TSPAN31: variants seen among roughly 807,000 people sequenced by gnomAD.
The protein encoded by TSPAN31 is tetraspanin-31.
A neutral mutation model predicts 24.8 loss-of-function variants in TSPAN31; 16 were observed. The observed-to-expected ratio is 0.64, with a 90% CI of 0.44 to 0.98. TSPAN31 has a LOEUF of 0.98. Among genes scored for constraint, TSPAN31 ranks in the 50% least tolerant of loss-of-function variants. The pLI is 0.00. For missense variants in TSPAN31, 209 were observed against 251.6 expected (o/e 0.83, Z 1.15); for synonymous variants, 87 against 91.4 (o/e 0.95, Z 0.27).
In TSPAN31 at chr12:57,747,374, T is replaced by C; in HGVS notation, c.*84T>C. 2 of 1,350,068 alleles carry C rather than the reference T, an allele frequency of 1.5e-6. No homozygotes were observed. The highest frequency in any genetic ancestry group is 2.1e-6 in the Non-Finnish European group (2 of 974,106). The allele number at this position is 1,350,068 out of a possible 1,614,324, so 83.6% of individuals were successfully genotyped here. A position where few individuals can be genotyped will look rare whatever the true frequency, so the allele number is the denominator to read the frequency against. On this transcript the variant is annotated 3_prime_UTR_variant, in exon 6 of 6. Transcript: ENST00000257910. ...GGGAATATCTAGGGTCTGTAACCGT[T>C]TTGGTTTGAGAAAAAGGAAAGGCCC...
At position 57,746,631 on chromosome 12, in the gene TSPAN31, A is replaced by C; in HGVS notation, c.355A>C (p.Thr119Pro). 6.2e-7 allele frequency: 1 copy of C among 1,613,882 alleles called. No individual in the cohort carries two copies. The highest frequency in any genetic ancestry group is 8.5e-7 in the Non-Finnish European group (1 of 1,179,980). The part of the protein sequence containing the change: ...NASWWVMSNK[T>P]RDELERSFDC... ...TTCTTGGTGGGTCATGAGCAACAAG[A>C]CTCGGGATGAACTGGAAAGAAGTTT... Residue 119 changes from threonine to proline, a missense_variant, in exon 4 of 6, where the codon ACT becomes CCT. Physicochemically the swap from Thr to Pro is conservative, Grantham distance 38. Coordinates refer to ENST00000257910, the MANE Select transcript of TSPAN31 (RefSeq NM_005981.5).
Position 57,749,454 on chromosome 12 carries a change from T to A in TSPAN31, c.*2164T>A, listed in dbSNP as rs2140383780. ...TTTTTCTCCCATGTTGGTCACTTAC[T>A]CAAAGATTTTGCCCAACTGGTCGGC... On this transcript the variant is annotated 3_prime_UTR_variant, in exon 6 of 6. Coordinates refer to ENST00000257910, the MANE Select transcript of TSPAN31 (RefSeq NM_005981.5). The A allele has an allele frequency of 6.2e-7, 1 of 1,614,188 alleles. No homozygotes were observed. The highest frequency in any genetic ancestry group is 8.5e-7 in the Non-Finnish European group (1 of 1,180,010).
In TSPAN31 at chr12:57,749,594, A is replaced by G. The variant is rs1371067363; in HGVS notation, c.*2304A>G. 1.6e-6 allele frequency: 2 copies of G among 1,248,822 alleles called. No homozygotes were observed. Among genetic ancestry groups the G allele is most frequent in the South Asian group, 2.5e-5 (2 of 80,760 alleles). The allele number at this position is 1,248,822 out of a possible 1,614,324, so 77.4% of individuals were successfully genotyped here. On this transcript the variant is annotated 3_prime_UTR_variant, in exon 6 of 6. Coordinates refer to ENST00000257910, the MANE Select transcript of TSPAN31 (RefSeq NM_005981.5). Reference sequence around the variant, plus strand: ...CTTAGTGGCTCAAAATAGGAAGTATAGGGAATAAAGGCCAACAATTCCAGC... The same window carrying G: ...CTTAGTGGCTCAAAATAGGAAGTATGGGGAATAAAGGCCAACAATTCCAGC...
chr12:57,745,190 G>A lies in TSPAN31; in HGVS notation c.36G>A (p.Ala12=). 1 of 1,608,190 alleles carries A rather than the reference G, an allele frequency of 6.2e-7. No homozygotes were observed. The highest frequency in any genetic ancestry group is 2.2e-5 in the East Asian group (1 of 44,728). ...GCGGCTTTGCCTGCTCCAAGAATGC[G>A]CTTTGCGCTCTCAACGTGGTCTACA... ...VCGGFACSKN[A]LCALNVVYML... Residue 12 remains alanine (A), a synonymous_variant, in exon 1 of 6, where the codon GCG becomes GCA. Coordinates refer to ENST00000257910, the MANE Select transcript of TSPAN31 (RefSeq NM_005981.5).
At position 57,747,282 on chromosome 12, in the gene TSPAN31, T is replaced by C; in HGVS notation, c.625T>C (p.Phe209Leu). 6.2e-7 allele frequency: 1 copy of C among 1,614,146 alleles called. No individual in the cohort carries two copies. Among genetic ancestry groups the C allele is most frequent in the Non-Finnish European group, 8.5e-7 (1 of 1,179,992 alleles). ...QKDPRANPSAFL is the reference protein window; with the variant it reads ...QKDPRANPSALL Reference sequence around the variant, plus strand: ...GGATCCTAGAGCCAACCCCAGTGCCTTTCTATGAGACTTTGGATCCTTCTG... The same window carrying C: ...GGATCCTAGAGCCAACCCCAGTGCCCTTCTATGAGACTTTGGATCCTTCTG... The change falls in exon 6 of 6, where the codon TTT (phenylalanine) becomes CTT (leucine). Residue 209 changes from phenylalanine to leucine, a missense_variant. Phe to Leu is a conservative substitution (Grantham distance 22, BLOSUM62 0). Coordinates refer to ENST00000257910, the MANE Select transcript of TSPAN31 (RefSeq NM_005981.5).
intron 1 of TSPAN31, 63 bp from the exon 2 acceptor site, chr12:57,745,682 G>C: frequency 6.3e-7 from 1 of 1,585,970 alleles, no homozygotes; most frequent in East Asian, 2.2e-5. Flanking sequence ...AAGTCCTCTT[G>C]TATGGCCTTG....
At position 57,749,540 on chromosome 12, in the gene TSPAN31, T is replaced by C. The variant is rs1237075911; in HGVS notation, c.*2250T>C. 2.5e-6 allele frequency: 4 copies of C among 1,598,538 alleles called. No homozygotes were observed. The highest frequency in any genetic ancestry group is 3.4e-6 in the Non-Finnish European group (4 of 1,165,960). Reference sequence around the variant, plus strand: ...AAGGGATATAAGGTAGCAGTCATTTTCAAAGATATCTTAGTTGAATGGTTA... The same window carrying C: ...AAGGGATATAAGGTAGCAGTCATTTCCAAAGATATCTTAGTTGAATGGTTA... On this transcript the variant is annotated 3_prime_UTR_variant, in exon 6 of 6. Transcript: ENST00000257910.
At chr12:57,746,776 C>G (rs1312384838) in intron 4 of TSPAN31, 56 bp downstream of exon 4, 1 of 1,608,736 alleles carries the variant, frequency 6.2e-7, no homozygotes, top group Non-Finnish European at 8.5e-7. Flanking sequence ...TGGGTAAGGA[C>G]AATGCCCAAG....
Position 57,745,107 on chromosome 12 carries a change from C to A in TSPAN31, c.-48C>A. 1.3e-6 allele frequency: 2 copies of A among 1,546,770 alleles called. No individual in the cohort carries two copies. Among genetic ancestry groups the A allele is most frequent in the Non-Finnish European group, 1.8e-6 (2 of 1,137,866 alleles). ...GGGTCCTGGAAGACGGTCCCCAATA[C>A]CCTCCCCCCAAGTCCTTGGGACCAC... is the stretch of plus-strand genomic sequence containing the variant. On this transcript the variant is annotated 5_prime_UTR_variant, in exon 1 of 6. Transcript: ENST00000257910.
rs971230295 is a variant in TSPAN31 at position 57,745,080 on chromosome 12, C to T, written c.-75C>T. 9 of 1,376,400 alleles carry T rather than the reference C, an allele frequency of 6.5e-6. No individual in the cohort carries two copies. The highest frequency in any genetic ancestry group is 5.9e-5 in the Admixed American group (3 of 50,608). 85.3% of individuals were successfully genotyped at this position (1,376,400 alleles called of 1,614,324 possible). On this transcript the variant is annotated 5_prime_UTR_variant, in exon 1 of 6. Coordinates refer to ENST00000257910, the MANE Select transcript of TSPAN31 (RefSeq NM_005981.5). ...CTCGATTTAAAGAGACAGAAGCTGT[C>T]GGGGTCCTGGAAGACGGTCCCCAAT...
Position 57,746,944 on chromosome 12 carries a change from G to T in TSPAN31, c.445-74G>T. 5 of 1,434,042 alleles carry T rather than the reference G, an allele frequency of 3.5e-6. No individual in the cohort carries two copies. In the South Asian group the frequency reaches 5.9e-5, roughly 17 times the overall value. 88.8% of individuals were successfully genotyped at this position (1,434,042 alleles called of 1,614,324 possible). A position where few individuals can be genotyped will look rare whatever the true frequency, so the allele number is the denominator to read the frequency against. ...GGTCAGATAACAGTAAAGTTTCTAGGGACATTCGGCATAGGTATTAGTCAC... is the reference window on the plus strand; with the variant it reads ...GGTCAGATAACAGTAAAGTTTCTAGTGACATTCGGCATAGGTATTAGTCAC... On this transcript the variant is annotated intron_variant, in intron 4 of 5. Coordinates refer to ENST00000257910, the MANE Select transcript of TSPAN31 (RefSeq NM_005981.5).
At chr12:57,745,306 T>C in intron 1 of TSPAN31, 89 bp downstream of exon 1, 1 of 1,394,608 alleles carries the variant, frequency 7.2e-7, no homozygotes. Context: ...GAGGGGTGTA[T>C]GGGGGTTCCG....
Position 57,745,884 on chromosome 12 carries a change from T to G in TSPAN31, c.203T>G (p.Val68Gly). 1 of 1,610,708 alleles carries G rather than the reference T, an allele frequency of 6.2e-7. No homozygotes were observed. The highest frequency in any genetic ancestry group is 8.5e-7 in the Non-Finnish European group (1 of 1,178,642). ...LIAVAGLVGAVNHHQVLLFFY... is the reference protein window; with the variant it reads ...LIAVAGLVGAGNHHQVLLFFY... ...GCAGTGGCTGGACTGGTGGGTGCTG[T>G]CAACCACCACCAAGTCCTGCTGTTC... The change falls in exon 2 of 6, where the codon GTC (valine) becomes GGC (glycine). Residue 68 changes from valine (V) to glycine (G), a missense_variant. By Grantham distance (109) the Val-to-Gly change is moderately radical. Transcript: ENST00000257910.
At position 57,748,430 on chromosome 12, in the gene TSPAN31, C is replaced by T. The variant is rs1955184918; in HGVS notation, c.*1140C>T. ...CTCTGTAGAAAGATGGAGGAGGACC[C>T]TCCATAGCCTCAGAGATAAAGGCAA... On this transcript the variant is annotated 3_prime_UTR_variant, in exon 6 of 6. Transcript: ENST00000257910. The T allele has an allele frequency of 2.2e-6, 2 of 897,244 alleles. No individual in the cohort carries two copies. The highest frequency in any genetic ancestry group is 3.8e-6 in the Non-Finnish European group (2 of 531,300). 55.6% of individuals were successfully genotyped at this position (897,244 alleles called of 1,614,324 possible). A position where few individuals can be genotyped will look rare whatever the true frequency, so the allele number is the denominator to read the frequency against.
Position 57,745,233 on chromosome 12 carries a change from T to TG in TSPAN31, c.63+21dup. 2.5e-6 allele frequency: 4 copies of TG among 1,608,032 alleles called. No individual in the cohort carries two copies. Among genetic ancestry groups the TG allele is most frequent in the Non-Finnish European group, 3.4e-6 (4 of 1,177,286 alleles). ...GGTCTACATGGTGAGGTTTTGGAGG[T>TG]GGGGGAAGCTTCAAGGCGGAAAGGC... On this transcript the variant is annotated intron_variant, in intron 1 of 5. Transcript: ENST00000257910.
rs1955170062 is a variant in TSPAN31, at chr12:57,747,377, G to A, written c.*87G>A. On this transcript the variant is annotated 3_prime_UTR_variant, in exon 6 of 6. Coordinates refer to ENST00000257910, the MANE Select transcript of TSPAN31 (RefSeq NM_005981.5). ...AATATCTAGGGTCTGTAACCGTTTTGGTTTGAGAAAAAGGAAAGGCCCCTT... is the reference window on the plus strand; with the variant it reads ...AATATCTAGGGTCTGTAACCGTTTTAGTTTGAGAAAAAGGAAAGGCCCCTT... 2 of 1,310,678 alleles carry A rather than the reference G, an allele frequency of 1.5e-6. No homozygotes were observed. The highest frequency in any genetic ancestry group is 4.5e-5 in the Admixed American group (2 of 43,986). 81.2% of individuals were successfully genotyped at this position (1,310,678 alleles called of 1,614,324 possible). A position where few individuals can be genotyped will look rare whatever the true frequency, so the allele number is the denominator to read the frequency against.
At chr12:57,746,979 T>C in intron 4 of TSPAN31, 39 bp from the exon 5 acceptor site, 1 of 1,578,496 alleles carries the variant, frequency 6.3e-7, no homozygotes, top group East Asian at 2.2e-5. Context: ...CTAGCAACTT[T>C]ACATTCACAA....
At position 57,748,567 on chromosome 12, in the gene TSPAN31, C is replaced by G. The variant is rs1299338481; in HGVS notation, c.*1277C>G. ...CATCCTTATGTAGATAAGAGTGCTG[C>G]AGAGCTCGAAAGGCAGAGATTCGCT... On this transcript the variant is annotated 3_prime_UTR_variant, in exon 6 of 6. Transcript: ENST00000257910. The G allele has an allele frequency of 5.6e-6, 9 of 1,613,908 alleles. No homozygotes were observed. Among genetic ancestry groups the G allele is most frequent in the South Asian group, 5.5e-5 (5 of 91,082 alleles).
chr12:57,745,064 AAG>A lies in TSPAN31; in HGVS notation c.-87_-86del. The A allele has an allele frequency of 7.8e-7, 1 of 1,277,988 alleles. No homozygotes were observed. The highest frequency in any genetic ancestry group is 1.1e-6 in the Non-Finnish European group (1 of 899,876). 79.2% of individuals were successfully genotyped at this position (1,277,988 alleles called of 1,614,324 possible). On this transcript the variant is annotated 5_prime_UTR_variant, in exon 1 of 6. Transcript: ENST00000257910. ...ATTGGGTTTGGCTGGCCTCGATTTA[AAG>A]AGACAGAAGCTGTCGGGGTCCTGGA...
Sources: allele counts gnomAD v4.1 joint callset, GRCh38; gene constraint gnomAD v4.1.1; transcripts MANE v1.5; gene names NCBI Gene and HGNC (gene_info 2026-07-23, HGNC 2026-07-21).